Variants in TAOK3 observed in about 807,000 individuals in gnomAD.
TAOK3 encodes serine/threonine-protein kinase TAO3.
Under a neutral mutation model 120.4 loss-of-function variants are expected in TAOK3, and 40 were observed. That is an observed-to-expected ratio of 0.33 (90% CI 0.26 to 0.43). The LOEUF is 0.43. TAOK3 is among the 20% of genes least tolerant of loss of function. TAOK3 has a pLI of 1.00. For synonymous variants in TAOK3, 355 were observed against 387.5 expected (o/e 0.92, Z 0.99); for missense variants, 821 against 1,112.1 (o/e 0.74, Z 3.72).
Position 118,152,356 on chromosome 12 carries a change from G to C in TAOK3, c.2406C>G (p.Leu802=). The change falls in exon 20 of 21, where the codon CTC becomes CTG. Residue 802 remains leucine, a synonymous_variant. Coordinates refer to ENST00000392533, the MANE Select transcript of TAOK3 (RefSeq NM_016281.4). ...EAECQALRLQ[L]QQEMELLNAY... is the part of the protein sequence containing the mutation. ...CGTTGAGCAGCTCCATTTCCTGCTG[G>C]AGCTGTAGCCTCAAGGCCTGGCATT... The C allele has an allele frequency of 4.3e-6, 7 of 1,613,964 alleles. No homozygotes were observed. The South Asian group carries it at 6.6e-5, about 15-fold the overall frequency.
At chr12:118,260,882 T>C (rs1382337105) in intron 2 of TAOK3, among the ~76,000 whole-genome samples, 1 of 152,180 alleles carries the variant, frequency 6.6e-6, no homozygotes, top group Admixed American at 6.5e-5. Flanking sequence ...GGTTTCACCA[T>C]GTTGGCCAGG....
At chr12:118,350,374 C>A (rs1483668420) in intron 1 of TAOK3, among the ~76,000 whole-genome samples, 1 of 150,188 alleles carries the variant, frequency 6.7e-6, no homozygotes, top group Non-Finnish European at 1.5e-5. Context: ...TCAGTATACA[C>A]CCCTGTAAAG....
chr12:118,199,427 C>T (rs1440142164), intron 12 of TAOK3, 170 bp from the exon 13 acceptor site: 1 of 626,318 alleles, frequency 1.6e-6, no homozygotes, highest in Non-Finnish European at 2.9e-6. Flanking sequence ...CATTTTCATA[C>T]ATCTCATATT....
rs116125659 is a variant in TAOK3, at chr12:118,197,504, A to G, written c.1194+1547T>C. Among the ~76,000 whole-genome samples the G allele has an allele frequency of 3.0e-3, 452 of 152,164 alleles. 4 individuals carry two copies. The highest frequency in any genetic ancestry group is 1.0e-2 in the African/African-American group (415 of 41,504). ...TTTCTTTCTTGTTGATTATGCCAGT[A>G]GTGTCTTTCTTCTAATTCTGGTTGC... On this transcript the variant is annotated intron_variant, in intron 13 of 20. Coordinates refer to ENST00000392533, the MANE Select transcript of TAOK3 (RefSeq NM_016281.4).
chr12:118,353,690 G>C (rs1422290588), intron 1 of TAOK3, among the ~76,000 whole-genome samples: 3 of 152,100 alleles, frequency 2.0e-5, no homozygotes, highest in African/African-American at 7.2e-5. Flanking sequence ...AGGTGCACGA[G>C]GTGCAGTGCA....
At chr12:118,170,151 C>G (rs930557534) in intron 17 of TAOK3, among the ~76,000 whole-genome samples, 3 of 150,440 alleles carry the variant, frequency 2.0e-5, no homozygotes, top group African/African-American at 4.9e-5. Flanking sequence ...TCTCTTCTCT[C>G]TAATCCTGTG....
intron 1 of TAOK3, among the ~76,000 whole-genome samples, chr12:118,322,725 T>C (rs1038367297): frequency 0.028 from 3,800 of 133,812 alleles, 113 homozygotes; most frequent in African/African-American, 0.096. Flanking sequence ...AACCTTTTTT[T>C]TTTTTTTTTT....
intron 19 of TAOK3, among the ~76,000 whole-genome samples, chr12:118,156,619 C>T (rs918327737): frequency 1.3e-5 from 2 of 152,184 alleles, no homozygotes; most frequent in African/African-American, 4.8e-5. Context: ...CTGGATGTTT[C>T]CCAGGCTCTC....
chr12:118,176,772 T>TC (rs1174229877), intron 16 of TAOK3, among the ~76,000 whole-genome samples: 1 of 149,150 alleles, frequency 6.7e-6, no homozygotes, highest in African/African-American at 2.4e-5. Flanking sequence ...TTTAGGTAAT[T>TC]TTTTTTTTTT....
intron 1 of TAOK3, among the ~76,000 whole-genome samples, chr12:118,368,675 G>C (rs1203782282): frequency 6.7e-6 from 1 of 150,262 alleles, no homozygotes; most frequent in Non-Finnish European, 1.5e-5. Flanking sequence ...GTGTGGTGGC[G>C]CACGCCTGTA....
rs1431408209 is a variant in TAOK3 at position 118,160,688 on chromosome 12, A to G, written c.2140-330T>C. Among the ~76,000 whole-genome samples the G allele has an allele frequency of 6.6e-6, 1 of 152,174 alleles. No homozygotes were observed. The highest frequency in any genetic ancestry group is 2.1e-4 in the South Asian group (1 of 4,828). On this transcript the variant is annotated intron_variant, in intron 18 of 20. Transcript: ENST00000392533. The surrounding 1 kb of genome is among the most constrained non-coding windows in gnomAD (Gnocchi z 4.2). ...TGTTGAAAGAGTGGCAACTCTTTTC[A>G]TGCTTTCCTAGTCAGACACTTCAGT... is the stretch of plus-strand genomic sequence containing the variant.
At chr12:118,329,588 G>A (rs1003730811) in intron 1 of TAOK3, among the ~76,000 whole-genome samples, 1 of 152,136 alleles carries the variant, frequency 6.6e-6, no homozygotes, top group African/African-American at 2.4e-5. Flanking sequence ...TTATGGGGGG[G>A]TTGGAAGAGC....
At chr12:118,233,037 T>C (rs1473198048) in intron 9 of TAOK3, among the ~76,000 whole-genome samples, 1 of 151,626 alleles carries the variant, frequency 6.6e-6, no homozygotes, top group African/African-American at 2.4e-5. Flanking sequence ...ATTAAGAAAA[T>C]GTGGCACATA....
chr12:118,246,741 G>C (rs1055457530), intron 3 of TAOK3: 9 of 1,576,404 alleles, frequency 5.7e-6, no homozygotes, highest in Non-Finnish European at 7.8e-6. Context: ...GGCTGGTATC[G>C]ATGACTGCTA....
chr12:118,250,133 A>AT (rs574980560), intron 3 of TAOK3, among the ~76,000 whole-genome samples: 13 of 148,190 alleles, frequency 8.8e-5, no homozygotes, highest in Non-Finnish European at 9.0e-5. Context: ...TATTTTTTTA[A>AT]TTTTTTTTTT....
chr12:118,253,412 T>C (rs2040839818), intron 3 of TAOK3, among the ~76,000 whole-genome samples: 1 of 152,196 alleles, frequency 6.6e-6, no homozygotes, highest in Admixed American at 6.5e-5. Context: ...TAATGGACTA[T>C]TATGCTTAAG....
chr12:118,194,418 A>T (rs550942287), intron 13 of TAOK3, among the ~76,000 whole-genome samples: 1 of 152,304 alleles, frequency 6.6e-6, no homozygotes, highest in African/African-American at 2.4e-5. Context: ...GAGGAGAAAG[A>T]CGTTACTACA....
chr12:118,244,912 A>T lies in TAOK3; in HGVS notation c.174T>A (p.Ser58Arg), dbSNP rs1383243040. Reference sequence around the variant, plus strand: ...ATCTCACCTCATGGGTCTGCTTCCCACTATAGGACATCTTCTTAATTGCCA... The same window carrying T: ...ATCTCACCTCATGGGTCTGCTTCCCTCTATAGGACATCTTCTTAATTGCCA... ...EVVAIKKMSY[S>R]GKQTHEKWQD... Residue 58 changes from serine to arginine, a missense_variant, in exon 4 of 21, where the codon AGT (serine) becomes AGA (arginine). By Grantham distance (110) the Ser-to-Arg change is moderately radical (BLOSUM62 -1). Around this residue, in one of 2 missense-constraint regions of TAOK3, gnomAD observed 467 missense variants for 540.0 expected, o/e 0.86. Transcript: ENST00000392533. 8 of 1,608,472 alleles carry T rather than the reference A, an allele frequency of 5.0e-6. No homozygotes were observed. Among genetic ancestry groups the T allele is most frequent in the Non-Finnish European group, 6.8e-6 (8 of 1,175,412 alleles).
chr12:118,315,859 A>G (rs964529990), intron 1 of TAOK3, among the ~76,000 whole-genome samples: 5 of 152,238 alleles, frequency 3.3e-5, no homozygotes, highest in African/African-American at 1.2e-4. Flanking sequence ...AGTATAAATG[A>G]CAAAGGAAAA....
Sources: gnomAD v4.1 joint callset for allele counts (sites outside exome capture counted in the v4.1 genomes callset) on GRCh38, gnomAD v4.1.1 for gene constraint, gnomAD v4.1.1 regional missense constraint, Gnocchi (gnomAD v3.1) non-coding constraint, MANE v1.5 for transcripts, NCBI Gene and HGNC (gene_info 2026-07-23, HGNC 2026-07-21) for gene names.